WASF3: variants seen among roughly 807,000 people sequenced by gnomAD.
The protein encoded by WASF3 is WASP family member 3.
Under a neutral mutation model 46.6 loss-of-function variants are expected in WASF3, and 11 were observed. That is an observed-to-expected ratio of 0.24 (90% CI 0.15 to 0.39). The LOEUF is 0.39. WASF3 is among the 10% of genes least tolerant of loss of function. The probability of loss-of-function intolerance (pLI) is 1.00; values close to 1 mark genes in which losing one functional copy is unlikely to be tolerated. For synonymous variants in WASF3, 242 were observed against 259.7 expected, an observed-to-expected ratio of 0.93 and a Z score of 0.65; for missense variants, 576 against 669.8, an observed-to-expected ratio of 0.86 and a Z score of 1.55.
chr13:26,610,182 T>C (rs1239959910), intron 1 of WASF3, among the ~76,000 whole-genome samples: 1 of 152,154 alleles, frequency 6.6e-6, no homozygotes, highest in Admixed American at 6.5e-5. Context: ...CCTACGTCTG[T>C]CAGATTTGTT....
intron 2 of WASF3, chr13:26,626,399 A>G (rs1389849511): frequency 6.6e-6 from 1 of 152,238 alleles, no homozygotes; most frequent in African/African-American, 2.4e-5. Context: ...TGCTAAACAC[A>G]TTTAGCAGGG....
intron 8 of WASF3, among the ~76,000 whole-genome samples, chr13:26,681,711 G>T (rs966093553): frequency 2.6e-5 from 4 of 152,070 alleles, no homozygotes; most frequent in African/African-American, 9.7e-5. Flanking sequence ...ACACCATGCA[G>T]CTCCTGTGCC....
chr13:26,602,322 A>T (rs960660015), intron 1 of WASF3, among the ~76,000 whole-genome samples: 5 of 152,226 alleles, frequency 3.3e-5, no homozygotes, highest in Admixed American at 1.3e-4. Context: ...TTGATGCTAG[A>T]AATGTTTTTG....
chr13:26,619,851 T>C (rs1479722312), intron 2 of WASF3, among the ~76,000 whole-genome samples: 1 of 151,974 alleles, frequency 6.6e-6, no homozygotes, highest in Non-Finnish European at 1.5e-5. Context: ...AGAGAATGAA[T>C]AGAAGCATCA....
At chr13:26,544,860 C>T in the WASF3 span, among the ~76,000 whole-genome samples, 4 of 152,368 alleles carry the variant, frequency 2.6e-5, no homozygotes, top group South Asian at 2.1e-4. Context: ...GAAAGCTACA[C>T]GTGCTCTGCC....
intron 7 of WASF3, 129 bp downstream of exon 7, chr13:26,676,853 TAAA>T: frequency 1.2e-6 from 1 of 857,542 alleles, no homozygotes; most frequent in South Asian, 2.6e-5. Context: ...AGATTTTCCT[TAAA>T]AATTGTTTAT....
chr13:26,684,388 G>C (rs566361721), intron 9 of WASF3, among the ~76,000 whole-genome samples: 4 of 151,990 alleles, frequency 2.6e-5, no homozygotes, highest in African/African-American at 9.7e-5. Flanking sequence ...CTGCAAAATA[G>C]CTTCCTATAT....
At chr13:26,615,445 G>A (rs34344449) in intron 2 of WASF3, among the ~76,000 whole-genome samples, 15,141 of 151,790 alleles carry the variant, frequency 0.1, 1,137 homozygotes, top group East Asian at 0.32. Flanking sequence ...AGTAGCTGGG[G>A]TTACAGGCAT....
At chr13:26,675,999 G>T (rs1395831176) in intron 6 of WASF3, among the ~76,000 whole-genome samples, 1 of 152,188 alleles carries the variant, frequency 6.6e-6, no homozygotes, top group African/African-American at 2.4e-5. Flanking sequence ...GCCAAGTAGG[G>T]CTAGAGGAAG....
chr13:26,653,284 A>G (rs1269380506), intron 3 of WASF3, among the ~76,000 whole-genome samples: 1 of 151,990 alleles, frequency 6.6e-6, no homozygotes, highest in Non-Finnish European at 1.5e-5. Context: ...TGTCATTCTC[A>G]TCAAGTATAA....
chr13:26,643,048 A>C (rs1011918921), intron 3 of WASF3, among the ~76,000 whole-genome samples: 38 of 152,210 alleles, frequency 2.5e-4, no homozygotes, highest in Non-Finnish European at 1.8e-4. Flanking sequence ...GCTGCTTCTT[A>C]TTCTCATTTT....
intron 2 of WASF3, among the ~76,000 whole-genome samples, chr13:26,614,884 G>A (rs1318508416): frequency 6.6e-6 from 1 of 151,816 alleles, no homozygotes; most frequent in East Asian, 2.0e-4. Flanking sequence ...TGCTTGCCAC[G>A]CCATCTGCTT....
chr13:26,579,055 C>T (rs1879894786), intron 1 of WASF3, among the ~76,000 whole-genome samples: 2 of 115,116 alleles, frequency 1.7e-5, no homozygotes, highest in Admixed American at 1.2e-4. Context: ...GGCTGGAGAG[C>T]AGTGGTGCAA....
intron 3 of WASF3, among the ~76,000 whole-genome samples, chr13:26,652,330 A>G (rs961347742): frequency 2.0e-5 from 3 of 152,234 alleles, no homozygotes; most frequent in Non-Finnish European, 4.4e-5. Flanking sequence ...ACAGAGCTTT[A>G]AATGTATATG....
chr13:26,590,117 A>C (rs912641326), intron 1 of WASF3, among the ~76,000 whole-genome samples: 1 of 152,162 alleles, frequency 6.6e-6, no homozygotes, highest in Admixed American at 6.5e-5. Context: ...GTCAGTCCTC[A>C]GTTTGTAAGA....
chr13:26,652,549 T>C (rs1203837477), intron 3 of WASF3, among the ~76,000 whole-genome samples: 1 of 152,058 alleles, frequency 6.6e-6, no homozygotes. Flanking sequence ...AACTCCCAAG[T>C]TGTAGAATAC....
rs774237005 is a variant in WASF3, at chr13:26,642,306, C to T, written c.36C>T (p.His12=). The part of the protein sequence containing the change: ...PLVKRNIEPR[H]LCRGALPEGI... ...TGAAGAGGAACATTGAGCCCCGGCA[C>T]TTGTGCCGGGGAGCTCTGCCTGAAG... The change falls in exon 3 of 10, where the codon CAC becomes CAT. Residue 12 remains histidine (H), a synonymous_variant. Transcript: ENST00000335327. 5 of 1,597,584 alleles carry T rather than the reference C, an allele frequency of 3.1e-6. No homozygotes were observed. The highest frequency in any genetic ancestry group is 4.3e-6 in the Non-Finnish European group (5 of 1,175,106).
At chr13:26,675,477 CACAT>C (rs1459284600) in intron 6 of WASF3, among the ~76,000 whole-genome samples, 83 of 50,544 alleles carry the variant, frequency 1.6e-3, no homozygotes, top group African/African-American at 5.1e-3. Flanking sequence ...AGACTAGACA[CACAT>C]ACACACACAC....
In WASF3 at chr13:26,684,878, A is replaced by G. The variant is rs1883352956; in HGVS notation, c.1352-810A>G. On this transcript the variant is annotated intron_variant, in intron 9 of 9. Transcript: ENST00000335327. ...TTATTTCAAAACAGTTAAAAAATGA[A>G]TGGATACCATCTTGGGCAACATTGC... is the stretch of plus-strand genomic sequence containing the variant. Among the ~76,000 whole-genome samples, 5 of 152,318 alleles carry G rather than the reference A, an allele frequency of 3.3e-5. No individual in the cohort carries two copies. In the South Asian group the frequency reaches 8.3e-4, roughly 25 times the overall value.
Sources: gnomAD v4.1 joint callset for allele counts (sites outside exome capture counted in the v4.1 genomes callset) on GRCh38, gnomAD v4.1.1 for gene constraint, MANE v1.5 for transcripts, NCBI Gene and HGNC (gene_info 2026-07-23, HGNC 2026-07-21) for gene names.